The following GCNT1 variants were observed in gnomAD, a reference collection of about 807,000 sequenced individuals.
GCNT1 encodes the protein glucosaminyl (N-acetyl) transferase 1, also known as beta-1,3-galactosyl-O-glycosyl-glycoprotein beta-1,6-N-acetylglucosaminyltransferase.
A neutral mutation model predicts 26.2 loss-of-function variants in GCNT1; 16 were observed. That is an observed-to-expected ratio of 0.61 (90% CI 0.41 to 0.93). The LOEUF is 0.93. GCNT1 is among the 40% of genes least tolerant of loss of function. The pLI, the probability that GCNT1 is intolerant of heterozygous loss-of-function variation, is 0.00. For missense variants in GCNT1, 477 were observed against 526.7 expected, an observed-to-expected ratio of 0.91 and a Z score of 0.92; for synonymous variants, 183 against 190.8, an observed-to-expected ratio of 0.96 and a Z score of 0.34.
upstream of GCNT1, among the ~76,000 whole-genome samples, chr9:76,439,628 C>T (rs192553533): frequency 2.3e-4 from 35 of 152,288 alleles, no homozygotes; most frequent in African/African-American, 5.8e-4. Context: ...AAGCTGTGTG[C>T]GTCTTTCTTC....
intron 1 of GCNT1, among the ~76,000 whole-genome samples, chr9:76,446,230 C>T (rs1401829086): frequency 6.6e-6 from 1 of 152,110 alleles, no homozygotes. Flanking sequence ...CAGGAATGCA[C>T]TGGAGTGACT....
At chr9:76,479,306 G>A (rs147500401) in intron 2 of GCNT1, among the ~76,000 whole-genome samples, 4,297 of 152,146 alleles carry the variant, frequency 0.028, 195 homozygotes, top group African/African-American at 0.098. Flanking sequence ...GAATAGTGCC[G>A]CAATAAACCT....
the GCNT1 span, among the ~76,000 whole-genome samples, chr9:76,413,658 T>TTTTTTTTTG: frequency 2.9e-5 from 2 of 68,324 alleles, no homozygotes; most frequent in Non-Finnish European, 2.9e-5. Context: ...GTTTTGTTTT[T>TTTTTTTTTG]TTTTTTTTTG....
At chr9:76,493,599 G>T (rs992141124) in intron 2 of GCNT1, among the ~76,000 whole-genome samples, 1 of 152,186 alleles carries the variant, frequency 6.6e-6, no homozygotes, top group Non-Finnish European at 1.5e-5. Flanking sequence ...TAGCCTGGGG[G>T]TTTTTGTGGT....
intron 2 of GCNT1, among the ~76,000 whole-genome samples, chr9:76,482,963 A>G (rs1824461122): frequency 6.6e-6 from 1 of 151,800 alleles, no homozygotes; most frequent in Non-Finnish European, 1.5e-5. Context: ...AATTAACAGT[A>G]TATTATCTTT....
intron 1 of GCNT1, among the ~76,000 whole-genome samples, chr9:76,431,706 G>A (rs1035776885): frequency 2.6e-5 from 4 of 152,112 alleles, no homozygotes; most frequent in African/African-American, 7.2e-5. Context: ...ATATCAAAGC[G>A]CCAACCCTCA....
chr9:76,405,171 AG>A, the GCNT1 span, among the ~76,000 whole-genome samples: 7 of 152,210 alleles, frequency 4.6e-5, no homozygotes, highest in Admixed American at 3.9e-4. Flanking sequence ...CAAACCAGCT[AG>A]TGAGCTCTGT....
the GCNT1 span, among the ~76,000 whole-genome samples, chr9:76,406,861 C>CA: frequency 6.6e-6 from 1 of 151,736 alleles, no homozygotes; most frequent in Non-Finnish European, 1.5e-5. Flanking sequence ...ACCAACATGG[C>CA]AAAATCCAGT....
intron 1 of GCNT1, among the ~76,000 whole-genome samples, chr9:76,451,135 T>G (rs549966866): frequency 6.6e-6 from 1 of 152,392 alleles, no homozygotes; most frequent in East Asian, 1.9e-4. Flanking sequence ...CTTTTATGTC[T>G]TCCTCATGTT....
rs548895693 is a variant in GCNT1, at chr9:76,433,852, C to T, written n.38+13965C>T. ...TTCTGACCCTTCTACTTTCTAGTGG[C>T]TGTGACTTCAGCCCTCAGTTTGTTG... On this transcript the variant is annotated intron_variant and non_coding_transcript_variant, in intron 1 of 3. Transcript: ENST00000488136. 3.9e-5 allele frequency among the ~76,000 whole-genome samples: 6 copies of T among 152,344 alleles called. No homozygotes were observed. The South Asian group carries it at 6.2e-4, about 16-fold the overall frequency.
At chr9:76,439,666 T>A (rs1823456430), upstream of GCNT1, among the ~76,000 whole-genome samples, 1 of 152,248 alleles carries the variant, frequency 6.6e-6, no homozygotes, top group Non-Finnish European at 1.5e-5. Flanking sequence ...CTTATGGCTC[T>A]CTCCTCTTTG....
intron 2 of GCNT1, among the ~76,000 whole-genome samples, chr9:76,500,095 C>G (rs1440122381): frequency 6.6e-6 from 1 of 152,056 alleles, no homozygotes; most frequent in Non-Finnish European, 1.5e-5. Context: ...TGTTCCACCC[C>G]CCTGTATGTG....
At chr9:76,413,321 G>T in the GCNT1 span, among the ~76,000 whole-genome samples, 2 of 152,176 alleles carry the variant, frequency 1.3e-5, no homozygotes, top group African/African-American at 4.8e-5. Flanking sequence ...CTGGTCACAG[G>T]TCAGACACTT....
chr9:76,417,729 G>A (rs1564217461), upstream of GCNT1, among the ~76,000 whole-genome samples: 1 of 152,120 alleles, frequency 6.6e-6, no homozygotes, highest in Non-Finnish European at 1.5e-5. Context: ...GGTTGTACAG[G>A]CATTTTCAGT....
the GCNT1 span, chr9:76,394,389 G>T: frequency 8.2e-6 from 4 of 489,856 alleles, no homozygotes; most frequent in Non-Finnish European, 1.4e-5. Context: ...GAGGAGCTGC[G>T]TCTCCGCTGG....
chr9:76,501,400 A>T (rs1825064178), intron 3 of GCNT1, among the ~76,000 whole-genome samples: 1 of 152,206 alleles, frequency 6.6e-6, no homozygotes, highest in South Asian at 2.1e-4. Context: ...TTGAATATAG[A>T]TGAAGGTCTG....
intron 2 of GCNT1, among the ~76,000 whole-genome samples, chr9:76,460,529 T>A (rs1454233846): frequency 6.6e-6 from 1 of 152,118 alleles, no homozygotes; most frequent in Non-Finnish European, 1.5e-5. Context: ...CAGTGTAAAT[T>A]ACCTGCTAGG....
chr9:76,413,671 T>TTTTTTTTTTTTTTTTTTTTTTTTC, the GCNT1 span, among the ~76,000 whole-genome samples: 1 of 140,106 alleles, frequency 7.1e-6, no homozygotes, highest in Non-Finnish European at 1.6e-5. Flanking sequence ...TTTTTTTGTT[T>TTTTTTTTTTTTTTTTTTTTTTTTC]TTTTTTTTTT....
At chr9:76,453,316 T>A (rs1348330277) in intron 1 of GCNT1, among the ~76,000 whole-genome samples, 1 of 152,032 alleles carries the variant, frequency 6.6e-6, no homozygotes, top group African/African-American at 2.4e-5. Flanking sequence ...GGTGGACAGA[T>A]TAAATCATTC....
Sources: allele counts gnomAD v4.1 joint callset (sites outside exome capture counted in the v4.1 genomes callset), GRCh38; gene constraint gnomAD v4.1.1; transcripts MANE v1.5; gene names NCBI Gene and HGNC (gene_info 2026-07-23, HGNC 2026-07-21).